Variants in KALRN observed in about 807,000 individuals in gnomAD.
KALRN encodes the protein kalirin.
In KALRN, 70 loss-of-function variants were observed where a neutral mutation model predicts 353.7. The ratio of observed to expected loss-of-function variants is 0.20; its 90% CI spans 0.16 to 0.24. The LOEUF (loss-of-function observed/expected upper bound fraction) is 0.24. Among genes scored for constraint, KALRN ranks in the 10% least tolerant of loss-of-function variants. The pLI is 1.00. For missense variants in KALRN, 2,791 were observed against 3,756.7 expected (o/e 0.74, Z 6.72); for synonymous variants, 1,391 against 1,434.8 (o/e 0.97, Z 0.69).
chr3:124,688,006 C>T (rs1353562366), intron 51 of KALRN, among the ~76,000 whole-genome samples: 2 of 152,066 alleles, frequency 1.3e-5, no homozygotes, highest in Non-Finnish European at 2.9e-5. Flanking sequence ...TTGTCTTATG[C>T]TCATTTAGAA....
chr3:124,540,733 T>G lies in KALRN; in HGVS notation c.4936-22110T>G, dbSNP rs983995913. 3.9e-5 allele frequency among the ~76,000 whole-genome samples: 6 copies of G among 152,210 alleles called. No homozygotes were observed. In the South Asian group the frequency reaches 1.2e-3, roughly 32 times the overall value. On this transcript the variant is annotated intron_variant, in intron 33 of 59. Transcript: ENST00000682506. ...ATTGTATCTCTCTATCATGGTGCTG[T>G]GAAGGTCAATTTTTTGGCAGATCTA... is the stretch of plus-strand genomic sequence containing the variant.
intron 1 of KALRN, among the ~76,000 whole-genome samples, chr3:124,044,859 C>CTCCTTCCT (rs1186718315): frequency 3.5e-3 from 149 of 43,180 alleles, no homozygotes; most frequent in African/African-American, 0.01. Flanking sequence ...CCCTCCCTCC[C>CTCCTTCCT]TCCTTCCTTC....
chr3:124,559,321 G>A (rs13085463), intron 33 of KALRN, among the ~76,000 whole-genome samples: 31,953 of 152,146 alleles, frequency 0.21, 3,613 homozygotes, highest in East Asian at 0.28. Flanking sequence ...GAGAGAGACT[G>A]GGAAAGTAAG....
intron 33 of KALRN, among the ~76,000 whole-genome samples, chr3:124,544,349 T>A (rs1315419342): frequency 6.6e-6 from 1 of 152,048 alleles, no homozygotes; most frequent in African/African-American, 2.4e-5. Context: ...TTACCTGAGG[T>A]CAGGAGTTCG....
At chr3:124,065,429 GT>G (rs1471394592) in intron 1 of KALRN, among the ~76,000 whole-genome samples, 1 of 152,150 alleles carries the variant, frequency 6.6e-6, no homozygotes, top group Non-Finnish European at 1.5e-5. Context: ...TAATGGTATT[GT>G]AGCTGAGTGC....
At chr3:124,293,056 G>A (rs2076555318) in intron 5 of KALRN, among the ~76,000 whole-genome samples, 1 of 152,176 alleles carries the variant, frequency 6.6e-6, no homozygotes, top group Non-Finnish European at 1.5e-5. Context: ...TGACTGGGCG[G>A]CTAGTTTCCC....
chr3:124,156,879 C>T (rs1040502467), intron 1 of KALRN, among the ~76,000 whole-genome samples: 2 of 152,152 alleles, frequency 1.3e-5, no homozygotes, highest in East Asian at 3.9e-4. Flanking sequence ...CCACCCTAGA[C>T]GTTGCATAAT....
At chr3:124,419,626 G>C (rs908157224) in intron 14 of KALRN, among the ~76,000 whole-genome samples, 1 of 152,106 alleles carries the variant, frequency 6.6e-6, no homozygotes, top group African/African-American at 2.4e-5. Flanking sequence ...AGATGGATAC[G>C]ACTGACATGG....
intron 3 of KALRN, among the ~76,000 whole-genome samples, chr3:124,261,344 G>A (rs1438530605): frequency 6.6e-6 from 1 of 152,172 alleles, no homozygotes; most frequent in African/African-American, 2.4e-5. Flanking sequence ...ATGAAATGAT[G>A]TATGGCAAAT....
chr3:124,234,722 C>T, intron 2 of KALRN, 107 bp from the exon 3 acceptor site: 1 of 810,986 alleles, frequency 1.2e-6, no homozygotes, highest in Non-Finnish European at 2.0e-6. Flanking sequence ...TCTCTGGATA[C>T]CCTATTTCTG....
chr3:124,438,503 C>G (rs979246026), intron 17 of KALRN, among the ~76,000 whole-genome samples: 2 of 151,902 alleles, frequency 1.3e-5, no homozygotes, highest in Non-Finnish European at 2.9e-5. Flanking sequence ...TACAGATGGT[C>G]GGATAAGTCA....
At chr3:124,123,436 C>T (rs2064272387) in intron 1 of KALRN, among the ~76,000 whole-genome samples, 1 of 152,166 alleles carries the variant, frequency 6.6e-6, no homozygotes, top group Admixed American at 6.5e-5. Context: ...CACTAATTCT[C>T]TTCAATTCTA....
intron 21 of KALRN, among the ~76,000 whole-genome samples, chr3:124,447,223 G>A (rs995078949): frequency 6.6e-6 from 1 of 152,222 alleles, no homozygotes; most frequent in Non-Finnish European, 1.5e-5. Flanking sequence ...ACATGTGCAT[G>A]TGAACACTGC....
At chr3:124,221,142 C>G (rs996356667) in intron 1 of KALRN, among the ~76,000 whole-genome samples, 2 of 152,238 alleles carry the variant, frequency 1.3e-5, no homozygotes, top group African/African-American at 4.8e-5. Context: ...TTCATCACCC[C>G]CTAACTCTGC....
rs139166514 is a variant in KALRN, at chr3:124,417,734, C to T, written c.2542+4069C>T. Among the ~76,000 whole-genome samples, 19 of 152,334 alleles carry T rather than the reference C, an allele frequency of 1.2e-4. No homozygotes were observed. The East Asian group carries it at 1.9e-3, about 15-fold the overall frequency. On this transcript the variant is annotated intron_variant, in intron 14 of 59. Transcript: ENST00000682506. ...GGACCTGAGTGTCCTTGTACATGTT[C>T]GCCTGTCTCTCTAAGCCTTGCCTTC... is the stretch of plus-strand genomic sequence containing the variant.
intron 5 of KALRN, among the ~76,000 whole-genome samples, chr3:124,271,733 C>T (rs775282809): frequency 6.6e-6 from 1 of 152,172 alleles, no homozygotes; most frequent in African/African-American, 2.4e-5. Context: ...GGTCTCCTGG[C>T]GCATGCCTTG....
At chr3:124,072,712 G>T (rs1205947632) in intron 1 of KALRN, among the ~76,000 whole-genome samples, 1 of 152,236 alleles carries the variant, frequency 6.6e-6, no homozygotes, top group African/African-American at 2.4e-5. Context: ...GACTCCATCA[G>T]TGTGACCTGG....
chr3:124,408,065 G>C (rs1203836378), intron 13 of KALRN, among the ~76,000 whole-genome samples: 1 of 152,170 alleles, frequency 6.6e-6, no homozygotes, highest in African/African-American at 2.4e-5. Flanking sequence ...GAGCCACTGT[G>C]CCTGGCCAAA....
intron 1 of KALRN, among the ~76,000 whole-genome samples, chr3:124,213,228 A>G (rs1466681904): frequency 6.6e-6 from 1 of 152,062 alleles, no homozygotes; most frequent in African/African-American, 2.4e-5. Flanking sequence ...ATTTTGGTGT[A>G]TGGTATGAAG....
Sources: gnomAD v4.1 joint callset for allele counts (sites outside exome capture counted in the v4.1 genomes callset) on GRCh38, gnomAD v4.1.1 for gene constraint, MANE v1.5 for transcripts, NCBI Gene and HGNC (gene_info 2026-07-23, HGNC 2026-07-21) for gene names.